DST: variants seen among roughly 807,000 people sequenced by gnomAD.
DST encodes bullous pemphigoid antigen.
DST carries 253 observed loss-of-function variants against 875.2 expected under a neutral mutation model. That is an observed-to-expected ratio of 0.29 (90% confidence interval 0.26 to 0.32). The LOEUF is 0.32. Among genes scored for constraint, DST ranks in the 10% least tolerant of loss-of-function variants. DST has a pLI of 1.00. For synonymous variants in DST, 3,124 were observed against 3,197.1 expected, an observed-to-expected ratio of 0.98 and a Z score of 0.77; for missense variants, 8,287 against 9,111.6, an observed-to-expected ratio of 0.91 and a Z score of 3.68.
intron 94 of DST, 85 bp from the exon 95 acceptor site, chr6:56,471,353 C>A (rs1488169135): frequency 3.9e-6 from 4 of 1,019,700 alleles, no homozygotes; most frequent in Middle Eastern, 4.4e-4. Context: ...TGAAATGATT[C>A]TCTAGGTAGT....
At chr6:56,793,213 AT>A (rs1245506087) in intron 4 of DST, among the ~76,000 whole-genome samples, 3 of 151,814 alleles carry the variant, frequency 2.0e-5, no homozygotes, top group Non-Finnish European at 4.4e-5. Flanking sequence ...AGGGATGCAT[AT>A]TGTATGTTAG....
intron 9 of DST, among the ~76,000 whole-genome samples, chr6:56,677,866 A>G (rs2099138239): frequency 6.6e-6 from 1 of 152,112 alleles, no homozygotes. Flanking sequence ...ACTTCCAAAA[A>G]TATCTACCCC....
chr6:56,470,410 TA>T (rs2094825338), intron 95 of DST, 128 bp from the exon 96 acceptor site: 1 of 669,202 alleles, frequency 1.5e-6, no homozygotes, highest in Non-Finnish European at 2.3e-6. Flanking sequence ...AATCCTTTTT[TA>T]AAAAACTGAT....
intron 69 of DST, among the ~76,000 whole-genome samples, chr6:56,525,903 T>C (rs577751785): frequency 8.5e-5 from 13 of 152,256 alleles, no homozygotes; most frequent in African/African-American, 3.1e-4. Flanking sequence ...AAACTTCACA[T>C]TACCAACAAA....
Position 56,578,805 on chromosome 6 carries a change from A to C in DST, c.13027+9T>G. 6.2e-7 allele frequency: 1 copy of C among 1,611,688 alleles called. No individual in the cohort carries two copies. Among genetic ancestry groups the C allele is most frequent in the Non-Finnish European group, 8.5e-7 (1 of 1,178,920 alleles). On this transcript the variant is annotated intron_variant, in intron 50 of 103. Coordinates refer to ENST00000680361, the MANE Select transcript of DST (RefSeq NM_001374736.1). ...TGTGAGACAGGAAGCAAGGACATGAATATCTTACCAAGTGTTTTCTGGATA... is the reference window on the plus strand; with the variant it reads ...TGTGAGACAGGAAGCAAGGACATGACTATCTTACCAAGTGTTTTCTGGATA...
intron 2 of DST, among the ~76,000 whole-genome samples, chr6:56,933,873 T>C (rs1811501163): frequency 1.3e-5 from 2 of 152,078 alleles, no homozygotes; most frequent in Non-Finnish European, 2.9e-5. Context: ...TTATTTCAGA[T>C]AGCTTACTCT....
Position 56,578,882 on chromosome 6 carries a change from G to T in DST, c.12959C>A (p.Thr4320Lys). 3.1e-6 allele frequency: 5 copies of T among 1,607,628 alleles called. No homozygotes were observed. The highest frequency in any genetic ancestry group is 4.2e-6 in the Non-Finnish European group (5 of 1,176,862). The change falls in exon 50 of 104, where the codon ACG (threonine) becomes AAG (lysine). Residue 4320 changes from threonine to lysine, a missense_variant. Physicochemically the swap from Thr to Lys is moderately conservative, Grantham distance 78. Transcript: ENST00000680361. ...QQVAVEKLKK[T>K]AEVLLDARGS... ...CCTGGCATCTAAAAGCACTTCAGCC[G>T]TTTTCTTCAGTTTCTCTACAGCAAC...
intron 3 of DST, among the ~76,000 whole-genome samples, chr6:56,884,814 C>T (rs914160548): frequency 8.5e-5 from 13 of 152,176 alleles, no homozygotes; most frequent in Non-Finnish European, 1.6e-4. Flanking sequence ...ATGCAAGCTC[C>T]GCCTCCCAGG....
intron 9 of DST, among the ~76,000 whole-genome samples, chr6:56,674,054 T>C (rs570597355): frequency 1.3e-5 from 2 of 152,318 alleles, no homozygotes; most frequent in East Asian, 1.9e-4. Flanking sequence ...TCATTCATAA[T>C]CCCTGATCTG....
rs1562509439 is a variant in DST at position 56,517,644 on chromosome 6, G to GT, written c.18130-25dup. The GT allele has an allele frequency of 6.2e-6, 10 of 1,603,780 alleles. No homozygotes were observed. In the Middle Eastern group the frequency reaches 6.6e-4, roughly 106 times the overall value. ...AACTAAACAAAAGATAAATAATTAG[G>GT]TCAGCACGTTCCCGTTCCTGATGCC... On this transcript the variant is annotated intron_variant, in intron 69 of 103. Transcript: ENST00000680361.
chr6:56,808,404 T>G (rs1262032870), intron 4 of DST, among the ~76,000 whole-genome samples: 2 of 152,190 alleles, frequency 1.3e-5, no homozygotes, highest in Non-Finnish European at 2.9e-5. Flanking sequence ...ATGAAAAGTT[T>G]GAAATAAAAA....
chr6:56,655,406 A>C (rs2099002160), intron 10 of DST, among the ~76,000 whole-genome samples: 2 of 152,148 alleles, frequency 1.3e-5, no homozygotes, highest in African/African-American at 2.4e-5. Flanking sequence ...TGAACCAAAA[A>C]TGTGACAATA....
chr6:56,742,462 T>C, intron 4 of DST: 2 of 731,724 alleles, frequency 2.7e-6, no homozygotes, highest in Admixed American at 2.4e-5. Context: ...ACTTGCAAGC[T>C]GAAAACTAGT....
At chr6:56,810,224 C>A (rs1427113887) in intron 4 of DST, among the ~76,000 whole-genome samples, 1 of 152,124 alleles carries the variant, frequency 6.6e-6, no homozygotes, top group Non-Finnish European at 1.5e-5. Context: ...ATGAAAAGAT[C>A]GCTTGAGCCC....
In DST at chr6:56,588,264, A is replaced by C. The variant is rs373617834; in HGVS notation, c.12903+3918T>G. Among the ~76,000 whole-genome samples the C allele has an allele frequency of 2.0e-5, 3 of 152,336 alleles. No homozygotes were observed. In the East Asian group the frequency reaches 5.8e-4, roughly 29 times the overall value. On this transcript the variant is annotated intron_variant, in intron 49 of 103. Coordinates refer to ENST00000680361, the MANE Select transcript of DST (RefSeq NM_001374736.1). ...TCAATCTCAACTTTCTGTTCCAGAA[A>C]TGTCTAACACAGCTATTTCTTAGCT... is the stretch of plus-strand genomic sequence containing the variant.
At position 56,472,534 on chromosome 6, in the gene DST, G is replaced by C. The variant is rs2094949517; in HGVS notation, c.21995-312C>G. On this transcript the variant is annotated intron_variant, in intron 93 of 103. Transcript: ENST00000680361. ...TTCATGCCATTTCAATGACAACGAA[G>C]CATGCTGTGATCCTCCACTTTGTTA... Among the ~76,000 whole-genome samples the C allele has an allele frequency of 2.0e-5, 3 of 152,114 alleles. No homozygotes were observed. In the South Asian group the frequency reaches 6.2e-4, roughly 32 times the overall value.
In DST at chr6:56,487,284, A is replaced by C; in HGVS notation, c.20878-11T>G. On this transcript the variant is annotated splice_polypyrimidine_tract_variant and intron_variant, in intron 86 of 103. Coordinates refer to ENST00000680361, the MANE Select transcript of DST (RefSeq NM_001374736.1). ...TGATTTCTGAAACTCCTAAATATTT[A>C]ACAAGAAAAAAATGCGAATTTCTTC... The C allele has an allele frequency of 6.5e-7, 1 of 1,527,144 alleles. No homozygotes were observed. Among genetic ancestry groups the C allele is most frequent in the South Asian group, 1.4e-5 (1 of 73,782 alleles). The allele number at this position is 1,527,144 out of a possible 1,614,324, so 94.6% of individuals were successfully genotyped here.
At chr6:56,712,813 T>C (rs540284389) in intron 5 of DST, among the ~76,000 whole-genome samples, 1 of 152,320 alleles carries the variant, frequency 6.6e-6, no homozygotes, top group African/African-American at 2.4e-5. Flanking sequence ...TTATTTAAAT[T>C]TATATCATGA....
intron 4 of DST, among the ~76,000 whole-genome samples, chr6:56,771,166 C>A: frequency 6.6e-6 from 1 of 151,314 alleles, no homozygotes; most frequent in South Asian, 2.1e-4. Flanking sequence ...AAAAAAAAAA[C>A]TCTGATTATA....
Sources: gnomAD v4.1 joint callset for allele counts (sites outside exome capture counted in the v4.1 genomes callset) on GRCh38, gnomAD v4.1.1 for gene constraint, MANE v1.5 for transcripts, NCBI Gene and HGNC (gene_info 2026-07-23, HGNC 2026-07-21) for gene names.